Variants in SCMH1 observed in about 807,000 individuals in gnomAD.
SCMH1 encodes polycomb protein SCMH1.
A neutral mutation model predicts 70.8 loss-of-function variants in SCMH1; 37 were observed. The ratio of observed to expected loss-of-function variants is 0.52; its 90% CI spans 0.40 to 0.69. The LOEUF (loss-of-function observed/expected upper bound fraction) is 0.69. Among genes scored for constraint, SCMH1 ranks in the 30% least tolerant of loss-of-function variants. The pLI is 0.00. For synonymous variants in SCMH1, 292 were observed against 307.4 expected (o/e 0.95, Z 0.52); for missense variants, 607 against 827.3 (o/e 0.73, Z 3.27).
At chr1:41,141,706 A>G (rs1252886356) in intron 6 of SCMH1, among the ~76,000 whole-genome samples, 13 of 152,220 alleles carry the variant, frequency 8.5e-5, no homozygotes, top group Admixed American at 7.9e-4. Flanking sequence ...ATAAACTGCA[A>G]GAAAAATTAG....
intron 6 of SCMH1, among the ~76,000 whole-genome samples, chr1:41,123,753 T>C (rs1271453677): frequency 6.6e-6 from 1 of 151,944 alleles, no homozygotes; most frequent in Non-Finnish European, 1.5e-5. Context: ...AGAATCATTC[T>C]ACTCTACTAC....
At chr1:41,044,433 G>A (rs746509452) in intron 12 of SCMH1, among the ~76,000 whole-genome samples, 14 of 151,694 alleles carry the variant, frequency 9.2e-5, no homozygotes, top group Admixed American at 6.6e-5. Flanking sequence ...GGTCAGTAAG[G>A]CAGGCAAGCA....
At chr1:41,075,107 C>A (rs1282041739) in intron 9 of SCMH1, 112 bp downstream of exon 9, 5 of 968,150 alleles carry the variant, frequency 5.2e-6, no homozygotes, top group Non-Finnish European at 8.1e-6. Flanking sequence ...CATGATCCGC[C>A]CGCCTCGGCC....
At chr1:41,046,454 G>A in exon 12 of SCMH1, 1 of 1,614,214 alleles carries the variant, frequency 6.2e-7, no homozygotes, top group Non-Finnish European at 8.5e-7. Flanking sequence ...GGCAGTGAGT[G>A]ACAAGTGAGT....
At chr1:41,086,868 TTC>T in intron 8 of SCMH1, among the ~76,000 whole-genome samples, 1 of 134,084 alleles carries the variant, frequency 7.5e-6, no homozygotes. Context: ...AGACCCTTGT[TTC>T]AAAAAACAAA....
At position 41,068,716 on chromosome 1, in the gene SCMH1, A is replaced by C. The variant is rs1412782894; in HGVS notation, c.1105+1879T>G. Among the ~76,000 whole-genome samples, 4 of 152,158 alleles carry C rather than the reference A, an allele frequency of 2.6e-5. No homozygotes were observed. The East Asian group carries it at 7.7e-4, about 29-fold the overall frequency. ...CCACCATGCTCAGCTCATTTTTAAA[A>C]ATTTTATAAAATAAAAGTGTCCAGT... On this transcript the variant is annotated intron_variant, in intron 10 of 14. Transcript: ENST00000337495.
intron 8 of SCMH1, among the ~76,000 whole-genome samples, chr1:41,092,921 G>T (rs1217789392): frequency 1.3e-5 from 2 of 152,190 alleles, no homozygotes; most frequent in Non-Finnish European, 2.9e-5. Context: ...TTACACTACT[G>T]GTGGGACTGT....
chr1:41,154,882 G>A (rs1224633112), intron 4 of SCMH1, among the ~76,000 whole-genome samples: 1 of 152,040 alleles, frequency 6.6e-6, no homozygotes, highest in East Asian at 1.9e-4. Context: ...TATCCTCTAT[G>A]TGCCAGGCAA....
At chr1:41,230,942 A>C (rs553502771) in intron 1 of SCMH1, among the ~76,000 whole-genome samples, 1 of 152,322 alleles carries the variant, frequency 6.6e-6, no homozygotes, top group South Asian at 2.1e-4. Context: ...ACCAGAGTAG[A>C]TTATTATTGC....
intron 2 of SCMH1, among the ~76,000 whole-genome samples, chr1:41,167,866 G>C (rs751844954): frequency 3.4e-5 from 5 of 147,566 alleles, no homozygotes; most frequent in African/African-American, 5.0e-5. Flanking sequence ...TTTGTTTTTT[G>C]AAAGACAGGA....
intron 8 of SCMH1, among the ~76,000 whole-genome samples, chr1:41,107,757 A>T (rs1668340044): frequency 6.6e-6 from 1 of 152,122 alleles, no homozygotes; most frequent in Non-Finnish European, 1.5e-5. Context: ...TGACCTTGTG[A>T]TCTGCCTGCC....
chr1:41,071,263 AAT>A (rs1656385455), intron 9 of SCMH1, among the ~76,000 whole-genome samples: 1 of 151,662 alleles, frequency 6.6e-6, no homozygotes, highest in African/African-American at 2.4e-5. Flanking sequence ...ACACCTTTAC[AAT>A]GATAAGATGT....
rs765210368 is a variant in SCMH1 at position 41,113,946 on chromosome 1, T to A, written c.502-420A>T. Among the ~76,000 whole-genome samples the A allele has an allele frequency of 3.9e-5, 6 of 152,344 alleles. No individual in the cohort carries two copies. The highest frequency in any genetic ancestry group is 7.3e-5 in the Non-Finnish European group (5 of 68,028). On this transcript the variant is annotated intron_variant, in intron 7 of 14. Transcript: ENST00000337495. The surrounding 1 kb of genome is among the most constrained non-coding windows in gnomAD (Gnocchi z 4.3). The stretch of plus-strand genomic sequence containing the variant: ...ATATATCATTGTACAATTTGCTTTT[T>A]GTTTAGCAGTATGTTTTTGAAATCT...
chr1:41,110,551 T>C (rs1669029716), intron 8 of SCMH1, among the ~76,000 whole-genome samples: 1 of 151,952 alleles, frequency 6.6e-6, no homozygotes, highest in African/African-American at 2.4e-5. Context: ...AATGATTATC[T>C]TTTGTGACTG....
chr1:41,093,815 G>A (rs1403465950), intron 8 of SCMH1, among the ~76,000 whole-genome samples: 2 of 152,182 alleles, frequency 1.3e-5, no homozygotes, highest in African/African-American at 4.8e-5. Flanking sequence ...CAAGATTATG[G>A]TGGCAGGCAC....
intron 8 of SCMH1, among the ~76,000 whole-genome samples, chr1:41,086,148 A>G (rs1400854836): frequency 6.6e-6 from 1 of 152,146 alleles, no homozygotes; most frequent in East Asian, 1.9e-4. Context: ...CTTTCTTTTT[A>G]AAATGTACTA....
At chr1:41,055,845 G>C (rs1287589822) in intron 10 of SCMH1, among the ~76,000 whole-genome samples, 2 of 152,178 alleles carry the variant, frequency 1.3e-5, no homozygotes, top group African/African-American at 4.8e-5. Context: ...AAGAGGCCTC[G>C]TGTACTGGGA....
chr1:41,211,788 T>C (rs1052218704), intron 1 of SCMH1, among the ~76,000 whole-genome samples: 6 of 152,152 alleles, frequency 3.9e-5, no homozygotes, highest in Admixed American at 3.3e-4. Flanking sequence ...AATGACAGAC[T>C]GGATTAAGAA....
intron 12 of SCMH1, among the ~76,000 whole-genome samples, chr1:41,040,018 A>G (rs1041106701): frequency 1.3e-5 from 2 of 151,732 alleles, no homozygotes; most frequent in African/African-American, 4.9e-5. Context: ...TCACTGGTGC[A>G]GGTGTCAAAG....
Sources: gnomAD v4.1 joint callset for allele counts (sites outside exome capture counted in the v4.1 genomes callset) on GRCh38, gnomAD v4.1.1 for gene constraint, Gnocchi (gnomAD v3.1) non-coding constraint, MANE v1.5 for transcripts, NCBI Gene and HGNC (gene_info 2026-07-23, HGNC 2026-07-21) for gene names.